GFRA2: variants seen among roughly 807,000 people sequenced by gnomAD.
GFRA2 encodes the protein GDNF family receptor alpha 2.
Under a neutral mutation model 48.3 loss-of-function variants are expected in GFRA2, and 17 were observed. The ratio of observed to expected loss-of-function variants is 0.35; its 90% CI spans 0.24 to 0.53. GFRA2 has a LOEUF of 0.53. GFRA2 is among the 20% of genes least tolerant of loss of function. GFRA2 has a pLI of 0.93. For synonymous variants in GFRA2, 305 were observed against 257.2 expected (o/e 1.19, Z -1.78); for missense variants, 660 against 637.3 (o/e 1.04, Z -0.38).
Position 21,694,075 on chromosome 8 carries a change from T to TATATATATATATATATATATATATATATA in GFRA2, c.1272+388_1272+389insTATATATATATATATATATATATATATAT, listed in dbSNP as rs1563209422. On this transcript the variant is annotated intron_variant, in intron 8 of 8. Coordinates refer to ENST00000524240, the MANE Select transcript of GFRA2 (RefSeq NM_001495.5). ...TATATTTATATATATATTTATTTAT[T>TATATATATATATATATATATATATATATA]TTTATATATATATATATTTCCTATA... is the stretch of plus-strand genomic sequence containing the variant. Among the ~76,000 whole-genome samples the TATATATATATATATATATATATATATATA allele has an allele frequency of 9.8e-4, 48 of 49,058 alleles. 2 individuals carry two copies. Among genetic ancestry groups the TATATATATATATATATATATATATATATA allele is most frequent in the South Asian group, 2.3e-3 (3 of 1,282 alleles). 32.2% of individuals were successfully genotyped at this position (49,058 alleles called of 152,430 possible).
In GFRA2 at chr8:21,705,015, G is replaced by A. The variant is rs763677309; in HGVS notation, c.1015C>T (p.Leu339Phe). The part of the protein sequence containing the change: ...GNMEEECEKF[L>F]RDFTENPCLR... ...CATGGGTTCTCGGTGAAGTCCCTGA[G>A]GAACTTCTCACACTCCTCCTCCATG... is the stretch of plus-strand genomic sequence containing the variant. Residue 339 changes from leucine (L) to phenylalanine (F), a missense_variant, in exon 6 of 9, where the codon CTC becomes TTC. By Grantham distance (22) the Leu-to-Phe change is conservative. Transcript: ENST00000524240. 3 of 1,611,172 alleles carry A rather than the reference G, an allele frequency of 1.9e-6. No homozygotes were observed. In the Admixed American group the frequency reaches 5.0e-5, roughly 27 times the overall value.
At chr8:21,784,863 G>T (rs755245277) in intron 1 of GFRA2, among the ~76,000 whole-genome samples, 502 of 152,248 alleles carry the variant, frequency 3.3e-3, no homozygotes, top group African/African-American at 0.012. Context: ...TTTCTTCCCC[G>T]GCTTCAGCAG....
chr8:21,780,330 A>C (rs1182518663), intron 2 of GFRA2, among the ~76,000 whole-genome samples: 1 of 152,082 alleles, frequency 6.6e-6, no homozygotes, highest in African/African-American at 2.4e-5. Flanking sequence ...CCTCAGCCTC[A>C]GCTTACCCTA....
intron 7 of GFRA2, among the ~76,000 whole-genome samples, chr8:21,695,378 A>C (rs948690848): frequency 2.0e-5 from 3 of 152,140 alleles, no homozygotes; most frequent in Non-Finnish European, 4.4e-5. Context: ...ACCAAAAGCA[A>C]CTGGGAAGCC....
At chr8:21,767,003 C>CG (rs1806193517) in intron 3 of GFRA2, among the ~76,000 whole-genome samples, 1 of 147,588 alleles carries the variant, frequency 6.8e-6, no homozygotes, top group Non-Finnish European at 1.5e-5. Flanking sequence ...ACACAACCTA[C>CG]ATACACCAGC....
At position 21,705,853 on chromosome 8, in the gene GFRA2, G is replaced by A. The variant is rs565308899; in HGVS notation, c.904+79C>T. 7.8e-5 allele frequency: 73 copies of A among 931,782 alleles called. No individual in the cohort carries two copies. The East Asian group carries it at 1.9e-3, about 25-fold the overall frequency. The allele number at this position is 931,782 out of a possible 1,614,324, so 57.7% of individuals were successfully genotyped here. Reference sequence around the variant, plus strand: ...CAGGCTGTCTCCCCCAGCTGGCCCTGAGCTGGGCTGCGGCCCCTGCCCTGC... The same window carrying A: ...CAGGCTGTCTCCCCCAGCTGGCCCTAAGCTGGGCTGCGGCCCCTGCCCTGC... On this transcript the variant is annotated intron_variant, in intron 5 of 8. Coordinates refer to ENST00000524240, the MANE Select transcript of GFRA2 (RefSeq NM_001495.5).
At chr8:21,800,300 C>G (rs1807747523) in intron 2 of GFRA2, among the ~76,000 whole-genome samples, 1 of 152,202 alleles carries the variant, frequency 6.6e-6, no homozygotes, top group African/African-American at 2.4e-5. Flanking sequence ...AGACAAGGCC[C>G]TAATGTAAAA....
rs996362466 is a variant in GFRA2 at position 21,693,202 on chromosome 8, T to C, written c.*76A>G. Reference sequence around the variant, plus strand: ...TTTTTGCAAGGTGTGTGTGTGTCTGTGTGTGTTTCCATTTCGTCAGGCGGC... The same window carrying C: ...TTTTTGCAAGGTGTGTGTGTGTCTGCGTGTGTTTCCATTTCGTCAGGCGGC... On this transcript the variant is annotated 3_prime_UTR_variant, in exon 9 of 9. Transcript: ENST00000524240. 67 of 1,452,112 alleles carry C rather than the reference T, an allele frequency of 4.6e-5. No homozygotes were observed. The African/African-American group carries it at 7.5e-4, about 16-fold the overall frequency. 90.0% of individuals were successfully genotyped at this position (1,452,112 alleles called of 1,614,324 possible).
At chr8:21,778,662 G>A (rs1806826957) in intron 2 of GFRA2, among the ~76,000 whole-genome samples, 1 of 152,232 alleles carries the variant, frequency 6.6e-6, no homozygotes, top group Non-Finnish European at 1.5e-5. Flanking sequence ...GCCAAAGTGG[G>A]AAGAGATTGC....
chr8:21,742,763 C>G (rs778151214), intron 4 of GFRA2, among the ~76,000 whole-genome samples: 1 of 152,186 alleles, frequency 6.6e-6, no homozygotes, highest in Non-Finnish European at 1.5e-5. Context: ...ACGAATGGGT[C>G]ACTCCTCCCC....
rs1024930262 is a variant in GFRA2, at chr8:21,728,401, A to G, written c.794+22187T>C. On this transcript the variant is annotated intron_variant, in intron 4 of 8. Coordinates refer to ENST00000524240, the MANE Select transcript of GFRA2 (RefSeq NM_001495.5). ...GCAATTCTCCTGCCTTAGCCTCCCA[A>G]GTAGCTGGAATTACAGGCACATACC... 2.7e-5 allele frequency among the ~76,000 whole-genome samples: 4 copies of G among 149,470 alleles called. No individual in the cohort carries two copies. The Admixed American group carries it at 2.7e-4, about 10-fold the overall frequency.
chr8:21,795,162 G>A (rs1807645583), intron 2 of GFRA2, among the ~76,000 whole-genome samples: 3 of 152,114 alleles, frequency 2.0e-5, no homozygotes. Flanking sequence ...GGACAGAGTG[G>A]GTAGACAGTG....
rs1333242988 is a variant in GFRA2 at position 21,750,751 on chromosome 8, C to T, written c.631G>A (p.Val211Met). 1.4e-5 allele frequency: 23 copies of T among 1,613,858 alleles called. No individual in the cohort carries two copies. Among genetic ancestry groups the T allele is most frequent in the Non-Finnish European group, 1.9e-5 (23 of 1,179,894 alleles). Residue 211 changes from valine (V) to methionine (M), a missense_variant, in exon 4 of 9, where the codon GTG becomes ATG. By Grantham distance (21) the Val-to-Met change is conservative. Coordinates refer to ENST00000524240, the MANE Select transcript of GFRA2 (RefSeq NM_001495.5). The surrounding 1 kb of genome is among the most constrained non-coding windows in gnomAD (Gnocchi z 5.7). ...ATGCGGTAGGTGTACTCGCTGGGCACCCGGTCGAAGAACTGGCGCAGGGCC... is the reference window on the plus strand; with the variant it reads ...ATGCGGTAGGTGTACTCGCTGGGCATCCGGTCGAAGAACTGGCGCAGGGCC... ...HKALRQFFDRVPSEYTYRMLF... is the reference protein window; with the variant it reads ...HKALRQFFDRMPSEYTYRMLF...
chr8:21,803,524 T>C (rs1807807474), intron 2 of GFRA2, among the ~76,000 whole-genome samples: 1 of 152,188 alleles, frequency 6.6e-6, no homozygotes, highest in South Asian at 2.1e-4. Context: ...GGAAATGTAT[T>C]CTTCCTAACT....
intron 3 of GFRA2, among the ~76,000 whole-genome samples, chr8:21,766,595 G>C (rs886606710): frequency 1.3e-4 from 19 of 151,328 alleles, no homozygotes; most frequent in African/African-American, 4.6e-4. Context: ...TACTGATCAG[G>C]CAAAGATGGC....
upstream of GFRA2, chr8:21,789,957 G>A (rs1807513136): frequency 1.9e-6 from 1 of 532,256 alleles, no homozygotes; most frequent in Non-Finnish European, 2.4e-6. Context: ...GCTGGGCTCC[G>A]AGGAGCTCGT....
rs1417715794 is a variant in GFRA2 at position 21,750,685 on chromosome 8, G to A, written c.697C>T (p.Arg233Cys). The A allele has an allele frequency of 6.2e-7, 1 of 1,613,748 alleles. No homozygotes were observed. Among genetic ancestry groups the A allele is most frequent in the Non-Finnish European group, 8.5e-7 (1 of 1,179,806 alleles). The change falls in exon 4 of 9, where the codon CGC becomes TGC. Residue 233 changes from arginine (R) to cysteine (C), a missense_variant. By Grantham distance (180) the Arg-to-Cys change is radical. Transcript: ENST00000524240. The surrounding 1 kb of genome is among the most constrained non-coding windows in gnomAD (Gnocchi z 5.7). ...CAGCTGGGCAGGATGGTTTGCCGGC[G>A]GCGCTCAGCGCACGCCTGGTCTTGG... ...SCQDQACAERRRQTILPSCSY... is the reference protein window; with the variant it reads ...SCQDQACAERCRQTILPSCSY...
chr8:21,717,821 C>A (rs1180791425), intron 4 of GFRA2, among the ~76,000 whole-genome samples: 1 of 152,192 alleles, frequency 6.6e-6, no homozygotes, highest in Non-Finnish European at 1.5e-5. Flanking sequence ...CTTCAGGACA[C>A]AACCAAGACC....
chr8:21,763,805 C>T (rs1478062257), intron 3 of GFRA2, among the ~76,000 whole-genome samples: 1 of 151,918 alleles, frequency 6.6e-6, no homozygotes, highest in African/African-American at 2.4e-5. Flanking sequence ...ACCCAGCCTA[C>T]ACTTCCCAGC....
Sources: gnomAD v4.1 joint callset for allele counts (sites outside exome capture counted in the v4.1 genomes callset) on GRCh38, gnomAD v4.1.1 for gene constraint, Gnocchi (gnomAD v3.1) non-coding constraint, MANE v1.5 for transcripts, NCBI Gene and HGNC (gene_info 2026-07-23, HGNC 2026-07-21) for gene names.